The following TLE6 variants were observed in gnomAD, a reference collection of about 807,000 sequenced individuals.
TLE6 encodes TLE family member 6, subcortical maternal complex member, also known as transducin-like enhancer protein 6.
A neutral mutation model predicts 77.1 loss-of-function variants in TLE6; 72 were observed. That is an observed-to-expected ratio of 0.93 (90% CI 0.77 to 1.14). TLE6 has a LOEUF of 1.14. Among genes scored for constraint, TLE6 ranks in the 50% most tolerant of loss-of-function variants. TLE6 has a pLI of 0.00. For missense variants in TLE6, 843 were observed against 747.6 expected (o/e 1.13, Z -1.49); for synonymous variants, 366 against 287.3 (o/e 1.27, Z -2.77).
At chr19:2,981,334 T>G (rs1323400852) in intron 3 of TLE6, among the ~76,000 whole-genome samples, 2 of 140,090 alleles carry the variant, frequency 1.4e-5, no homozygotes, top group Non-Finnish European at 3.0e-5. Flanking sequence ...GTGACAAGAG[T>G]GAGACTCTGT....
At chr19:2,978,628 G>A (rs1488337861) in intron 2 of TLE6, among the ~76,000 whole-genome samples, 1 of 152,026 alleles carries the variant, frequency 6.6e-6, no homozygotes, top group Admixed American at 6.6e-5. Flanking sequence ...TAGTGACGTG[G>A]GCCTGTAGTT....
At chr19:2,981,312 A>T (rs76563363) in intron 3 of TLE6, among the ~76,000 whole-genome samples, 5,138 of 149,960 alleles carry the variant, frequency 0.034, 316 homozygotes, top group African/African-American at 0.12. Flanking sequence ...GTGACACTGC[A>T]CTCCAGCCTG....
intron 4 of TLE6, 99 bp from the exon 5 acceptor site, chr19:2,982,049 G>T (rs10445609): frequency 6.4e-6 from 8 of 1,241,606 alleles, no homozygotes; most frequent in South Asian, 3.9e-5. Context: ...AATTTAAGGT[G>T]GGGGAGTAGG....
intron 9 of TLE6, 28 bp from the exon 10 acceptor site, chr19:2,987,870 C>A (rs373709912): frequency 3.1e-6 from 5 of 1,612,012 alleles, no homozygotes; most frequent in Admixed American, 3.3e-5. Flanking sequence ...CAATGCAAGC[C>A]GCTTAGCCCC....
intron 3 of TLE6, 71 bp from the exon 4 acceptor site, chr19:2,981,467 A>AG: frequency 6.6e-7 from 1 of 1,508,326 alleles, no homozygotes; most frequent in Non-Finnish European, 9.0e-7. Flanking sequence ...CTAGGGGTTG[A>AG]GGGTGGGGCT....
intron 13 of TLE6, among the ~76,000 whole-genome samples, 179 bp from the exon 14 acceptor site, chr19:2,991,664 T>G (rs1288165203): frequency 6.7e-6 from 1 of 149,956 alleles, no homozygotes; most frequent in East Asian, 2.0e-4. Context: ...GGCTGAGGGC[T>G]GGGAGGGGCC....
At chr19:2,991,385 T>TACACACAC (rs1248747854) in intron 13 of TLE6, among the ~76,000 whole-genome samples, 1 of 108,540 alleles carries the variant, frequency 9.2e-6, no homozygotes, top group African/African-American at 4.3e-5. Flanking sequence ...CGTATATATA[T>TACACACAC]ATATATATAT....
intron 15 of TLE6, 96 bp from the exon 16 acceptor site, chr19:2,993,920 CAAA>C (rs34647224): frequency 0.068 from 34,919 of 511,194 alleles, 1 homozygote; most frequent in East Asian, 0.11. Flanking sequence ...GACCCTGTCT[CAAA>C]AAAAAAAAAA....
At position 2,994,023 on chromosome 19, in the gene TLE6, G is replaced by A. The variant is rs371832700; in HGVS notation, c.1542G>A (p.Gln514=). ...CTGATGCTCCATTTCTCCCAGGCCA[G>A]TGGTGGGCAAGCGTTGGAATGGACG... ...ILSVKFSPFG[Q]WWASVGMDDF... Residue 514 remains glutamine, a synonymous_variant, in exon 16 of 17, where the codon CAG becomes CAA. Transcript: ENST00000246112. 3.1e-6 allele frequency: 5 copies of A among 1,604,830 alleles called. No homozygotes were observed. The highest frequency in any genetic ancestry group is 1.7e-5 in the Admixed American group (1 of 58,122).
rs981702810 is a variant in TLE6, at chr19:2,995,061, C to CCT, written c.*58_*59insTC. On this transcript the variant is annotated 3_prime_UTR_variant, in exon 17 of 17. Coordinates refer to ENST00000246112, the MANE Select transcript of TLE6 (RefSeq NM_001143986.2). ...CCTCTTTTCATCCCCCCCCTTCCCCCCCCCCAACAAGGGGGACATGGTGGA... is the reference window on the plus strand; with the variant it reads ...CCTCTTTTCATCCCCCCCCTTCCCCCCTCCCCCAACAAGGGGGACATGGTGGA... The CCT allele has an allele frequency of 8.1e-5, 83 of 1,030,760 alleles. No individual in the cohort carries two copies. Among genetic ancestry groups the CCT allele is most frequent in the Non-Finnish European group, 1.0e-4 (72 of 688,210 alleles). 63.9% of individuals were successfully genotyped at this position (1,030,760 alleles called of 1,614,324 possible).
Position 2,995,055 on chromosome 19 carries a change from T to TGC in TLE6, c.*51_*52insGC. The TGC allele has an allele frequency of 1.1e-6, 1 of 937,040 alleles. No individual in the cohort carries two copies. Among genetic ancestry groups the TGC allele is most frequent in the Non-Finnish European group, 1.5e-6 (1 of 652,078 alleles). 58.0% of individuals were successfully genotyped at this position (937,040 alleles called of 1,614,324 possible). A position where few individuals can be genotyped will look rare whatever the true frequency, so the allele number is the denominator to read the frequency against. On this transcript the variant is annotated 3_prime_UTR_variant, in exon 17 of 17. Transcript: ENST00000246112. ...CCGGCTCCTCTTTTCATCCCCCCCC[T>TGC]TCCCCCCCCCCAACAAGGGGGACAT...
Position 2,989,273 on chromosome 19 carries a change from T to A in TLE6, c.953T>A (p.Val318Glu). The change falls in exon 12 of 17, where the codon GTG becomes GAG. Residue 318 changes from valine (V) to glutamate (E), a missense_variant. Physicochemically the swap from Val to Glu is moderately radical, Grantham distance 121. Coordinates refer to ENST00000246112, the MANE Select transcript of TLE6 (RefSeq NM_001143986.2). Reference sequence around the variant, plus strand: ...AAGGTGTGGAGCCTGACTGGACAGGTGGCTGAGGACAGGTTCCCTGAGAGC... The same window carrying A: ...AAGGTGTGGAGCCTGACTGGACAGGAGGCTGAGGACAGGTTCCCTGAGAGC... ...GIKVWSLTGQ[V>E]AEDRFPESHL... is the part of the protein sequence containing the mutation. 1 of 1,613,556 alleles carries A rather than the reference T, an allele frequency of 6.2e-7. No homozygotes were observed.
intron 2 of TLE6, among the ~76,000 whole-genome samples, chr19:2,978,734 G>T (rs558096327): frequency 6.6e-6 from 1 of 152,028 alleles, no homozygotes; most frequent in Admixed American, 6.6e-5. Flanking sequence ...TCCATCCTTG[G>T]TGACAGTGAG....
intron 14 of TLE6, 126 bp from the exon 15 acceptor site, chr19:2,993,306 C>G: frequency 1.0e-6 from 1 of 986,064 alleles, no homozygotes; most frequent in Admixed American, 3.1e-5. Context: ...TTGCTTGTCC[C>G]AGGGCTGCAC....
intron 11 of TLE6, 132 bp from the exon 12 acceptor site, chr19:2,988,929 G>A: frequency 8.0e-7 from 1 of 1,252,942 alleles, no homozygotes; most frequent in Non-Finnish European, 1.1e-6. Flanking sequence ...GGGGAGTCTA[G>A]AGGGTAAAAC....
rs770126098 is a variant in TLE6 at position 2,981,500 on chromosome 19, A to C, written c.135-38A>C. 3 of 1,549,840 alleles carry C rather than the reference A, an allele frequency of 1.9e-6. No individual in the cohort carries two copies. In the South Asian group the frequency reaches 3.6e-5, roughly 18 times the overall value. ...GCTCACTCTGGGGAGGGAGTCCTGAAGCCACAGGTCTTCCAGCCTGTCCTC... is the reference window on the plus strand; with the variant it reads ...GCTCACTCTGGGGAGGGAGTCCTGACGCCACAGGTCTTCCAGCCTGTCCTC... On this transcript the variant is annotated intron_variant, in intron 3 of 16. Transcript: ENST00000246112.
In TLE6 at chr19:2,987,899, C is replaced by T; in HGVS notation, c.627C>T (p.Thr209=). The T allele has an allele frequency of 1.2e-6, 2 of 1,609,704 alleles. No individual in the cohort carries two copies. The highest frequency in any genetic ancestry group is 1.7e-6 in the Non-Finnish European group (2 of 1,177,202). The part of the protein sequence containing the change: ...GTDPCPEDAS[T]PRPPEASSSP... The stretch of plus-strand genomic sequence containing the variant: ...TAGCCCCTCTTGTCTCCCCACTAGC[C>T]CCCAGGCCACCTGAGGCCTCCTCCA... Residue 209 remains threonine (T), a splice_region_variant and synonymous_variant, in exon 10 of 17, where the codon ACC becomes ACT. Transcript: ENST00000246112.
chr19:2,995,059 C>T lies in TLE6; in HGVS notation c.*55C>T, dbSNP rs1313382908. The T allele has an allele frequency of 2.9e-6, 3 of 1,024,560 alleles. No homozygotes were observed. The highest frequency in any genetic ancestry group is 4.4e-6 in the Non-Finnish European group (3 of 684,350). The allele number at this position is 1,024,560 out of a possible 1,614,324, so 63.5% of individuals were successfully genotyped here. The stretch of plus-strand genomic sequence containing the variant: ...CTCCTCTTTTCATCCCCCCCCTTCC[C>T]CCCCCCCAACAAGGGGGACATGGTG... On this transcript the variant is annotated 3_prime_UTR_variant, in exon 17 of 17. Coordinates refer to ENST00000246112, the MANE Select transcript of TLE6 (RefSeq NM_001143986.2).
Position 2,987,004 on chromosome 19 carries a change from A to T in TLE6, c.307A>T (p.Ser103Cys), listed in dbSNP as rs772084741. The change falls in exon 7 of 17, where the codon AGC becomes TGC. Residue 103 changes from serine to cysteine, a missense_variant. Physicochemically the swap from Ser to Cys is moderately radical, Grantham distance 112. Transcript: ENST00000246112. ...SEEVSPAEPA[S>C]PGTPQQVKDK... ...CCAGGTCTCACCTGCTGAACCAGCC[A>T]GCCCTGGGACGCCCCAGCAGGTGAA... 2.9e-5 allele frequency: 46 copies of T among 1,612,692 alleles called. No individual in the cohort carries two copies. Among genetic ancestry groups the T allele is most frequent in the African/African-American group, 1.3e-5 (1 of 74,896 alleles).
Sources: allele counts gnomAD v4.1 joint callset (sites outside exome capture counted in the v4.1 genomes callset), GRCh38; gene constraint gnomAD v4.1.1; transcripts MANE v1.5; gene names NCBI Gene and HGNC (gene_info 2026-07-23, HGNC 2026-07-21).